The following BRWD1 variants were observed in gnomAD, a reference collection of about 807,000 sequenced individuals.
BRWD1 encodes bromodomain and WD repeat domain containing 1, also known as bromodomain and WD repeat-containing protein 1.
BRWD1 carries 82 observed loss-of-function variants against 251.2 expected under a neutral mutation model. That is an observed-to-expected ratio of 0.33 (90% CI 0.27 to 0.39). The LOEUF is 0.39. BRWD1 is among the 10% of genes least tolerant of loss of function. BRWD1 has a pLI of 1.00. For synonymous variants in BRWD1, 918 were observed against 902.8 expected, an observed-to-expected ratio of 1.02 and a Z score of -0.30; for missense variants, 2,233 against 2,711.6, an observed-to-expected ratio of 0.82 and a Z score of 3.92.
chr21:39,238,724 A>G, intron 21 of BRWD1, 151 bp from the exon 22 acceptor site: 1 of 558,618 alleles, frequency 1.8e-6, no homozygotes, highest in Non-Finnish European at 3.2e-6. Flanking sequence ...TAAACTTAAA[A>G]AGCAAACTTC....
chr21:39,191,087 G>A lies in BRWD1; in HGVS notation c.*5172C>T. 1.0e-6 allele frequency: 1 copy of A among 985,264 alleles called. No homozygotes were observed. Among genetic ancestry groups the A allele is most frequent in the Non-Finnish European group, 1.2e-6 (1 of 829,816 alleles). The allele number at this position is 985,264 out of a possible 1,614,324, so 61.0% of individuals were successfully genotyped here. A position where few individuals can be genotyped will look rare whatever the true frequency, so the allele number is the denominator to read the frequency against. On this transcript the variant is annotated 3_prime_UTR_variant, in exon 41 of 41. Transcript: ENST00000342449. Reference sequence around the variant, plus strand: ...ACTTAACTGCTTAATTTGCTTTTTAGAAGCAATACCTTAAGAGCATTTCAC... The same window carrying A: ...ACTTAACTGCTTAATTTGCTTTTTAAAAGCAATACCTTAAGAGCATTTCAC...
chr21:39,259,416 G>A (rs1025747525), intron 17 of BRWD1, among the ~76,000 whole-genome samples: 6 of 151,916 alleles, frequency 3.9e-5, no homozygotes, highest in Admixed American at 1.3e-4. Flanking sequence ...TCGGCCTCCC[G>A]ACTAGCTGGG....
chr21:39,285,270 T>C (rs1025118889), intron 8 of BRWD1, among the ~76,000 whole-genome samples: 2 of 152,110 alleles, frequency 1.3e-5, no homozygotes, highest in East Asian at 1.9e-4. Context: ...ATTTTAAAAG[T>C]TGATTTCACA....
In BRWD1 at chr21:39,282,916, A is replaced by G. The variant is rs191451568; in HGVS notation, c.832-2668T>C. Among the ~76,000 whole-genome samples, 450 of 149,034 alleles carry G rather than the reference A, an allele frequency of 3.0e-3. 2 individuals carry two copies. Among genetic ancestry groups the G allele is most frequent in the African/African-American group, 0.011 (430 of 40,302 alleles). On this transcript the variant is annotated intron_variant, in intron 8 of 40. Coordinates refer to ENST00000342449, the MANE Select transcript of BRWD1 (RefSeq NM_033656.4). ...AGAGATTTCAGTGAGCTGAGATCGC[A>G]CCACTGTACTCCAGCCTGGGCAACA...
At chr21:39,297,455 A>G (rs768391139) in intron 5 of BRWD1, 140 of 956,920 alleles carry the variant, frequency 1.5e-4, no homozygotes, top group Non-Finnish European at 1.7e-4. Context: ...ATCACAAAAC[A>G]ACGACATGGA....
Position 39,192,638 on chromosome 21 carries a change from T to C in BRWD1, c.*3621A>G. The C allele has an allele frequency of 1.0e-6, 1 of 984,544 alleles. No homozygotes were observed. The highest frequency in any genetic ancestry group is 1.2e-6 in the Non-Finnish European group (1 of 829,190). The allele number at this position is 984,544 out of a possible 1,614,324, so 61.0% of individuals were successfully genotyped here. On this transcript the variant is annotated 3_prime_UTR_variant, in exon 41 of 41. Coordinates refer to ENST00000342449, the MANE Select transcript of BRWD1 (RefSeq NM_033656.4). The stretch of plus-strand genomic sequence containing the variant: ...TACCTGATAAATAAATATATCAACT[T>C]ACTATTCATGAAAAGAATGGAGCTG...
intron 23 of BRWD1, among the ~76,000 whole-genome samples, 171 bp downstream of exon 23, chr21:39,236,424 G>A (rs1417213262): frequency 2.0e-5 from 3 of 152,068 alleles, no homozygotes; most frequent in African/African-American, 7.2e-5. Context: ...GGAGTGCAGT[G>A]AGCTTCCCCA....
intron 4 of BRWD1, chr21:39,312,432 G>C (rs190353599): frequency 6.2e-4 from 103 of 166,340 alleles, no homozygotes; most frequent in African/African-American, 2.2e-3. Context: ...GGGAACAAGT[G>C]GGGGGACAGA....
chr21:39,276,019 C>T (rs1568941512), intron 12 of BRWD1, among the ~76,000 whole-genome samples, 154 bp downstream of exon 12: 2 of 151,528 alleles, frequency 1.3e-5, no homozygotes, highest in African/African-American at 2.4e-5. Flanking sequence ...GCAACGAGAG[C>T]GAAACTCCAT....
chr21:39,219,934 T>A (rs912662261), intron 29 of BRWD1: 1 of 152,196 alleles, frequency 6.6e-6, no homozygotes, highest in Admixed American at 6.5e-5. Context: ...AGCCAAAATG[T>A]GTATTTTTAT....
intron 13 of BRWD1, among the ~76,000 whole-genome samples, chr21:39,272,026 G>T (rs1046381205): frequency 3.3e-5 from 3 of 90,488 alleles, no homozygotes; most frequent in African/African-American, 8.6e-5. Flanking sequence ...AAAAAAAAAA[G>T]AATATAGAAT....
chr21:39,228,082 G>A (rs887519922), intron 27 of BRWD1, among the ~76,000 whole-genome samples: 27 of 152,150 alleles, frequency 1.8e-4, no homozygotes, highest in East Asian at 1.2e-3. Flanking sequence ...GAGGTCAGGA[G>A]TTCGAGTCCA....
intron 32 of BRWD1, 121 bp from the exon 33 acceptor site, chr21:39,213,674 G>A: frequency 1.7e-6 from 1 of 575,506 alleles, no homozygotes; most frequent in Non-Finnish European, 3.0e-6. Context: ...TCAAACAGAG[G>A]AATATCAGGT....
chr21:39,268,221 T>G (rs1601422222), intron 15 of BRWD1, among the ~76,000 whole-genome samples: 1 of 152,024 alleles, frequency 6.6e-6, no homozygotes, highest in Non-Finnish European at 1.5e-5. Flanking sequence ...GGGTGATCAC[T>G]TGAAGTCAGG....
rs369932351 is a variant in BRWD1 at position 39,293,218 on chromosome 21, G to A, written c.831+593C>T. On this transcript the variant is annotated intron_variant, in intron 8 of 40. Transcript: ENST00000342449. ...TTTTGGTAAATTAAATCAACTAAGC[G>A]GCACGGTGGCTCACGCCTGTAATCC... Among the ~76,000 whole-genome samples, 20 of 152,078 alleles carry A rather than the reference G, an allele frequency of 1.3e-4. 1 individual carries two copies. Among genetic ancestry groups the A allele is most frequent in the African/African-American group, 1.2e-4 (5 of 41,418 alleles).
chr21:39,230,230 A>G (rs914956006), intron 25 of BRWD1, among the ~76,000 whole-genome samples: 3 of 152,212 alleles, frequency 2.0e-5, no homozygotes, highest in Non-Finnish European at 4.4e-5. Context: ...TAAACAAGTG[A>G]AAGTCCCTAC....
At chr21:39,295,227 C>T (rs1478885424) in intron 7 of BRWD1, among the ~76,000 whole-genome samples, 2 of 127,636 alleles carry the variant, frequency 1.6e-5, no homozygotes, top group Non-Finnish European at 3.1e-5. Context: ...CGCTCTGTCG[C>T]CCAGGCTGGA....
In BRWD1 at chr21:39,199,049, CT is replaced by C; in HGVS notation, c.5366del (p.Glu1789GlyfsTer31). The C allele has an allele frequency of 6.2e-7, 1 of 1,614,120 alleles. No homozygotes were observed. The highest frequency in any genetic ancestry group is 1.1e-5 in the South Asian group (1 of 91,078). ...VQKLKAESIS[E>X]EADSEPGRSG... The stretch of plus-strand genomic sequence containing the variant: ...ATCTTCCTGGTTCAGAATCTGCTTC[CT>C]CTGAGATGCTCTCTGCCTTAAGTTT... On this transcript the variant is annotated frameshift_variant, in exon 40 of 41. Transcript: ENST00000342449. LOFTEE classifies it high-confidence loss of function.
In BRWD1 at chr21:39,195,062, T is replaced by C. The variant is rs1180502516; in HGVS notation, c.*1197A>G. 1 of 1,280,078 alleles carries C rather than the reference T, an allele frequency of 7.8e-7. No individual in the cohort carries two copies. Among genetic ancestry groups the C allele is most frequent in the Non-Finnish European group, 9.9e-7 (1 of 1,012,470 alleles). The allele number at this position is 1,280,078 out of a possible 1,614,324, so 79.3% of individuals were successfully genotyped here. ...GAAAATAAGTGTACTATTTGTGTGA[T>C]AAACTTTCACTTTAAATGGATTATA... is the stretch of plus-strand genomic sequence containing the variant. On this transcript the variant is annotated 3_prime_UTR_variant, in exon 41 of 41. Coordinates refer to ENST00000342449, the MANE Select transcript of BRWD1 (RefSeq NM_033656.4).
Sources: gnomAD v4.1 joint callset for allele counts (sites outside exome capture counted in the v4.1 genomes callset) on GRCh38, gnomAD v4.1.1 for gene constraint, MANE v1.5 for transcripts, NCBI Gene and HGNC (gene_info 2026-07-23, HGNC 2026-07-21) for gene names.